The following RBMS3 variants were observed in gnomAD, a reference collection of about 807,000 sequenced individuals.
RBMS3 encodes the protein RNA binding motif single stranded interacting protein 3.
Under a neutral mutation model 66.8 loss-of-function variants are expected in RBMS3, and 27 were observed. The ratio of observed to expected loss-of-function variants is 0.40; its 90% CI spans 0.30 to 0.56. The LOEUF is 0.56. Among genes scored for constraint, RBMS3 ranks in the 20% least tolerant of loss-of-function variants. RBMS3 has a pLI of 0.40. For synonymous variants in RBMS3, 188 were observed against 183.0 expected (o/e 1.03, Z -0.22); for missense variants, 513 against 549.5 (o/e 0.93, Z 0.66).
At chr3:29,712,395 C>G (rs141828302) in intron 4 of RBMS3, among the ~76,000 whole-genome samples, 1 of 152,232 alleles carries the variant, frequency 6.6e-6, no homozygotes, top group African/African-American at 2.4e-5. Flanking sequence ...TCACTGCAAC[C>G]TCTGCTTCCC....
rs556385023 is a variant in RBMS3 at position 29,501,036 on chromosome 3, G to A, written c.307+12537G>A. On this transcript the variant is annotated intron_variant, in intron 3 of 14. Coordinates refer to ENST00000383767, the MANE Select transcript of RBMS3 (RefSeq NM_001003793.3). ...AAGCATCTGCTATGTTACATAAACC[G>A]AAAAGTCCTGGGGAAGTTGTTCTGC... is the stretch of plus-strand genomic sequence containing the variant. Among the ~76,000 whole-genome samples, 11 of 152,250 alleles carry A rather than the reference G, an allele frequency of 7.2e-5. No individual in the cohort carries two copies. The South Asian group carries it at 2.1e-3, about 29-fold the overall frequency.
intron 1 of RBMS3, among the ~76,000 whole-genome samples, chr3:29,315,340 A>G (rs941095673): frequency 2.0e-5 from 3 of 151,730 alleles, no homozygotes; most frequent in African/African-American, 7.2e-5. Flanking sequence ...CGTATTGCAA[A>G]AGTTCAACCA....
At chr3:29,580,698 A>G (rs1020655041) in intron 3 of RBMS3, among the ~76,000 whole-genome samples, 1 of 150,052 alleles carries the variant, frequency 6.7e-6, no homozygotes, top group African/African-American at 2.4e-5. Context: ...AATAATAATA[A>G]TAATAATAAT....
chr3:29,722,568 G>A (rs553837818), intron 4 of RBMS3, among the ~76,000 whole-genome samples: 2 of 152,146 alleles, frequency 1.3e-5, no homozygotes, highest in East Asian at 3.9e-4. Context: ...TTAGGGGAGG[G>A]TTTGGGATCT....
intron 6 of RBMS3, among the ~76,000 whole-genome samples, chr3:29,853,251 C>A (rs2058981307): frequency 6.6e-6 from 1 of 151,980 alleles, no homozygotes; most frequent in Non-Finnish European, 1.5e-5. Context: ...CACAACCAAC[C>A]CCCATGACAC....
intron 4 of RBMS3, among the ~76,000 whole-genome samples, chr3:29,648,034 G>C (rs908868329): frequency 2.6e-5 from 4 of 152,042 alleles, no homozygotes; most frequent in Non-Finnish European, 5.9e-5. Context: ...ATGGAAACCA[G>C]TGGGATGGGC....
intron 6 of RBMS3, among the ~76,000 whole-genome samples, chr3:29,847,667 T>A (rs944209873): frequency 6.6e-6 from 1 of 151,974 alleles, no homozygotes; most frequent in African/African-American, 2.4e-5. Flanking sequence ...TTATTTTTTA[T>A]TTTTTTGAGA....
rs372752128 is a variant in RBMS3, at chr3:29,810,388, G to T, written c.637+47399G>T. On this transcript the variant is annotated intron_variant, in intron 6 of 14. Coordinates refer to ENST00000383767, the MANE Select transcript of RBMS3 (RefSeq NM_001003793.3). ...TGCAGCTTATTTCTAATTAATGGAT[G>T]GTTGAAATCTTCAAACTACCTTGGA... 3.9e-5 allele frequency among the ~76,000 whole-genome samples: 6 copies of T among 152,228 alleles called. No individual in the cohort carries two copies. In the South Asian group the frequency reaches 8.3e-4, roughly 21 times the overall value.
chr3:29,323,552 A>G (rs761116997), intron 1 of RBMS3, among the ~76,000 whole-genome samples: 6 of 152,096 alleles, frequency 3.9e-5, no homozygotes, highest in Non-Finnish European at 8.8e-5. Flanking sequence ...TCCAGCACAC[A>G]TAGTAAAATT....
At chr3:29,292,786 T>C (rs536374476) in intron 1 of RBMS3, among the ~76,000 whole-genome samples, 7 of 151,900 alleles carry the variant, frequency 4.6e-5, no homozygotes, top group African/African-American at 1.7e-4. Context: ...AGATTAAGGG[T>C]ATCAGGGCTC....
intron 3 of RBMS3, among the ~76,000 whole-genome samples, chr3:29,509,076 C>G (rs560670095): frequency 6.7e-6 from 1 of 149,454 alleles, no homozygotes; most frequent in African/African-American, 2.5e-5. Flanking sequence ...TGTTTAAGTT[C>G]TTTGTAGATT....
intron 2 of RBMS3, among the ~76,000 whole-genome samples, chr3:29,475,871 T>A (rs1559393099): frequency 6.6e-6 from 1 of 151,818 alleles, no homozygotes; most frequent in Non-Finnish European, 1.5e-5. Context: ...TTAAGCTTAT[T>A]AAAAAAAAGA....
At chr3:29,936,875 A>G (rs773077429) in intron 11 of RBMS3, among the ~76,000 whole-genome samples, 8 of 152,034 alleles carry the variant, frequency 5.3e-5, no homozygotes, top group Non-Finnish European at 8.8e-5. Flanking sequence ...TTTTTTTAAA[A>G]GATAATTCCC....
chr3:29,630,055 T>G (rs2049228364), intron 4 of RBMS3, among the ~76,000 whole-genome samples: 1 of 152,080 alleles, frequency 6.6e-6, no homozygotes, highest in African/African-American at 2.4e-5. Context: ...AGAAGGTGGC[T>G]GAAACTTAGT....
At chr3:29,303,110 C>G (rs1277381072) in intron 1 of RBMS3, among the ~76,000 whole-genome samples, 1 of 152,016 alleles carries the variant, frequency 6.6e-6, no homozygotes, top group Non-Finnish European at 1.5e-5. Context: ...ACAGCCACAC[C>G]TCAATGGAGA....
chr3:29,435,663 G>A (rs1239268194), intron 2 of RBMS3, among the ~76,000 whole-genome samples: 2 of 152,150 alleles, frequency 1.3e-5, no homozygotes, highest in African/African-American at 4.8e-5. Flanking sequence ...ACCTGGCCGG[G>A]CACAGTGGCT....
At chr3:29,419,863 A>ATACT (rs1033292745) in intron 1 of RBMS3, among the ~76,000 whole-genome samples, 3 of 152,218 alleles carry the variant, frequency 2.0e-5, no homozygotes, top group African/African-American at 7.2e-5. Flanking sequence ...AATTTAAGGA[A>ATACT]TACTTACACC....
At chr3:29,330,832 C>T (rs955294589) in intron 1 of RBMS3, among the ~76,000 whole-genome samples, 4 of 152,192 alleles carry the variant, frequency 2.6e-5, no homozygotes, top group Non-Finnish European at 5.9e-5. Flanking sequence ...TTAGGATGGA[C>T]GTTGTCAGTC....
At chr3:29,433,329 C>T (rs1257183277) in intron 1 of RBMS3, among the ~76,000 whole-genome samples, 2 of 152,046 alleles carry the variant, frequency 1.3e-5, no homozygotes, top group African/African-American at 4.8e-5. Flanking sequence ...CAGATGAGAA[C>T]CCAGCCCAAA....
Sources: allele counts gnomAD v4.1 joint callset (sites outside exome capture counted in the v4.1 genomes callset), GRCh38; gene constraint gnomAD v4.1.1; transcripts MANE v1.5; gene names NCBI Gene and HGNC (gene_info 2026-07-23, HGNC 2026-07-21).